Variants in FRS3 observed in about 807,000 individuals in gnomAD.
FRS3 encodes the protein fibroblast growth factor receptor substrate 3.
FRS3 carries 17 observed loss-of-function variants against 41.9 expected under a neutral mutation model. The ratio of observed to expected loss-of-function variants is 0.41; its 90% confidence interval spans 0.28 to 0.61. The LOEUF (loss-of-function observed/expected upper bound fraction) is 0.61, where lower values mean the gene tolerates loss of function less well. Among genes scored for constraint, FRS3 ranks in the 20% least tolerant of loss-of-function variants. The pLI is 0.36. For missense variants in FRS3, 619 were observed against 672.1 expected (o/e 0.92, Z 0.87); for synonymous variants, 287 against 274.5 (o/e 1.05, Z -0.45).
At chr6:41,776,854 T>A in intron 3 of FRS3, 68 bp downstream of exon 3, 3 of 1,263,782 alleles carry the variant, frequency 2.4e-6, no homozygotes, top group Non-Finnish European at 3.5e-6. Context: ...CTGAGGCAAC[T>A]CCATTAAATT....
rs892427733 is a variant in FRS3, at chr6:41,771,118, G to C, written c.980C>G (p.Pro327Arg). The C allele has an allele frequency of 6.3e-7, 1 of 1,580,434 alleles. No individual in the cohort carries two copies. Residue 327 changes from proline to arginine, a missense_variant, in exon 7 of 7, where the codon CCA becomes CGA. Physicochemically the swap from Pro to Arg is moderately radical, Grantham distance 103 (BLOSUM62 -2). Around this residue, in one of 3 missense-constraint regions of FRS3, gnomAD observed 487 missense variants for 478.3 expected, o/e 1.02. Transcript: ENST00000373018. The stretch of plus-strand genomic sequence containing the variant: ...TTGGCTTTCCCACACAGGGGGCAGT[G>C]GGGGCAGGTTCTCATAGTGCAGCAG... ...AALLHYENLP[P>R]LPPVWESQAQ...
intron 4 of FRS3, among the ~76,000 whole-genome samples, chr6:41,774,852 G>C (rs1457878454): frequency 1.3e-5 from 2 of 152,232 alleles, no homozygotes; most frequent in Non-Finnish European, 2.9e-5. Context: ...AAGTAGAAAA[G>C]ACTGGGAAAG....
Position 41,770,609 on chromosome 6 carries a change from C to G in FRS3, c.*10G>C. 1 of 1,613,704 alleles carries G rather than the reference C, an allele frequency of 6.2e-7. No individual in the cohort carries two copies. The highest frequency in any genetic ancestry group is 8.5e-7 in the Non-Finnish European group (1 of 1,179,656). On this transcript the variant is annotated 3_prime_UTR_variant, in exon 7 of 7. Coordinates refer to ENST00000373018, the MANE Select transcript of FRS3 (RefSeq NM_006653.5). ...TGGTGGGGCAGAGGGTGGTGAGGACCGGGAAGTCCCTACAGAGGCAGGTCG... is the reference window on the plus strand; with the variant it reads ...TGGTGGGGCAGAGGGTGGTGAGGACGGGGAAGTCCCTACAGAGGCAGGTCG...
In FRS3 at chr6:41,779,877, C is replaced by T. The variant is rs1296358336; in HGVS notation, c.-229G>A. 4 of 149,464 alleles carry T rather than the reference C, an allele frequency of 2.7e-5. 1 individual carries two copies. In the Middle Eastern group the frequency reaches 0.014, roughly 515 times the overall value. The allele number at this position is 149,464 out of a possible 1,614,324, so 9.3% of individuals were successfully genotyped here. A position where few individuals can be genotyped will look rare whatever the true frequency, so the allele number is the denominator to read the frequency against. ...CCGGGTCCCGCTGCAGCAGCCGCCG[C>T]CCGCCCGGAGCTAAGGCCTCCCCGC... On this transcript the variant is annotated 5_prime_UTR_variant, in exon 1 of 7. Transcript: ENST00000373018.
chr6:41,775,916 T>C (rs1451321436), intron 3 of FRS3, among the ~76,000 whole-genome samples: 1 of 152,220 alleles, frequency 6.6e-6, no homozygotes. Flanking sequence ...AGACAGCCCA[T>C]GCCTTAGTAT....
intron 4 of FRS3, 121 bp downstream of exon 4, chr6:41,775,298 C>T (rs1772385701): frequency 2.7e-6 from 2 of 728,356 alleles, no homozygotes; most frequent in Admixed American, 3.3e-5. Context: ...GAATACATCA[C>T]ACTCTACTGC....
chr6:41,771,384 G>A lies in FRS3; in HGVS notation c.714C>T (p.Gly238=), dbSNP rs1345021271. 6.2e-7 allele frequency: 1 copy of A among 1,613,590 alleles called. No homozygotes were observed. Among genetic ancestry groups the A allele is most frequent in the Non-Finnish European group, 8.5e-7 (1 of 1,179,900 alleles). ...QRDPQVFLQP[G]QVKFVLGPTP... Reference sequence around the variant, plus strand: ...TCGGGCCCAACACAAACTTCACCTGGCCTGGCTGCAAGAACACCTGTGGGT... The same window carrying A: ...TCGGGCCCAACACAAACTTCACCTGACCTGGCTGCAAGAACACCTGTGGGT... Residue 238 remains glycine (G), a synonymous_variant, in exon 7 of 7, where the codon GGC becomes GGT. Transcript: ENST00000373018.
intron 1 of FRS3, among the ~76,000 whole-genome samples, chr6:41,778,463 C>T (rs1352342741): frequency 6.6e-6 from 1 of 152,166 alleles, no homozygotes; most frequent in Non-Finnish European, 1.5e-5. Flanking sequence ...TTACAACAAA[C>T]ACCAAAACCA....
At position 41,771,402 on chromosome 6, in the gene FRS3, C is replaced by G. The variant is rs1287543894; in HGVS notation, c.696G>C (p.Gln232His). ...TCACCTGGCCTGGCTGCAAGAACAC[C>G]TGTGGGTCCCGTTGGTCAGGTCCCC... is the stretch of plus-strand genomic sequence containing the variant. ...QARGPDQRDP[Q>H]VFLQPGQVKF... is the part of the protein sequence containing the mutation. The change falls in exon 7 of 7, where the codon CAG becomes CAC. Residue 232 changes from glutamine to histidine, a missense_variant. Physicochemically the swap from Gln to His is conservative, Grantham distance 24. This residue lies in a region of FRS3 where 487 missense variants were observed against 478.3 expected (regional missense o/e 1.02). Coordinates refer to ENST00000373018, the MANE Select transcript of FRS3 (RefSeq NM_006653.5). 3 of 1,613,664 alleles carry G rather than the reference C, an allele frequency of 1.9e-6. No homozygotes were observed. The South Asian group carries it at 3.3e-5, about 18-fold the overall frequency.
rs1193459126 is a variant in FRS3, at chr6:41,770,993, G to A, written c.1105C>T (p.Pro369Ser). 1.3e-5 allele frequency: 21 copies of A among 1,613,112 alleles called. No individual in the cohort carries two copies. The highest frequency in any genetic ancestry group is 1.7e-5 in the Non-Finnish European group (20 of 1,179,904). ...CGGGTGCTGGTGGGCTTCTGCAGTG[G>A]GGTCTCGTCCTCCTCACCATCAGGG... ...GFPDGEEDET[P>S]LQKPTSTRAA... The change falls in exon 7 of 7, where the codon CCA (proline) becomes TCA (serine). Residue 369 changes from proline (P) to serine (S), a missense_variant. By Grantham distance (74) the Pro-to-Ser change is moderately conservative. Coordinates refer to ENST00000373018, the MANE Select transcript of FRS3 (RefSeq NM_006653.5).
At position 41,770,742 on chromosome 6, in the gene FRS3, T is replaced by C; in HGVS notation, c.1356A>G (p.Ser452=). 6.2e-7 allele frequency: 1 copy of C among 1,610,870 alleles called. No individual in the cohort carries two copies. Residue 452 remains serine (S), a synonymous_variant, in exon 7 of 7, where the codon TCA becomes TCG. Transcript: ENST00000373018. ...TGAGGTCAATCACGGCGTAGGAGTCTGAGCTTCGGGCAGGGTGGGTGGTGG... is the reference window on the plus strand; with the variant it reads ...TGAGGTCAATCACGGCGTAGGAGTCCGAGCTTCGGGCAGGGTGGGTGGTGG... The part of the protein sequence containing the change: ...PMPTTHPARS[S]DSYAVIDLKK...
chr6:41,775,883 G>C (rs534538313), intron 3 of FRS3, among the ~76,000 whole-genome samples: 18 of 152,338 alleles, frequency 1.2e-4, no homozygotes, highest in African/African-American at 4.3e-4. Flanking sequence ...CGGTTTGTTA[G>C]ATAACAAATG....
Position 41,773,506 on chromosome 6 carries a change from G to A in FRS3, c.254-547C>T, listed in dbSNP as rs191493149. Reference sequence around the variant, plus strand: ...CGCCCACACCACATTGAACACTCCAGCTATATTGCTCTGAAGCGAAATCAT... The same window carrying A: ...CGCCCACACCACATTGAACACTCCAACTATATTGCTCTGAAGCGAAATCAT... On this transcript the variant is annotated intron_variant, in intron 4 of 6. Transcript: ENST00000373018. 2.6e-5 allele frequency among the ~76,000 whole-genome samples: 4 copies of A among 152,308 alleles called. No individual in the cohort carries two copies. In the East Asian group the frequency reaches 7.7e-4, roughly 29 times the overall value.
Position 41,770,717 on chromosome 6 carries a change from T to C in FRS3, c.1381A>G (p.Lys461Glu), listed in dbSNP as rs887006788. ...AGGTTGGACATGGCCACGGTCTTTT[T>C]GAGGTCAATCACGGCGTAGGAGTCT... ...SSDSYAVIDL[K>E]KTVAMSNLQR... The change falls in exon 7 of 7, where the codon AAA (lysine) becomes GAA (glutamate). Residue 461 changes from lysine to glutamate, a missense_variant. Around this residue, in one of 3 missense-constraint regions of FRS3, gnomAD observed 32 missense variants for 55.6 expected, o/e 0.58. Coordinates refer to ENST00000373018, the MANE Select transcript of FRS3 (RefSeq NM_006653.5). 4 of 1,612,288 alleles carry C rather than the reference T, an allele frequency of 2.5e-6. No individual in the cohort carries two copies. The highest frequency in any genetic ancestry group is 3.4e-6 in the Non-Finnish European group (4 of 1,179,810).
rs955369237 is a variant in FRS3, at chr6:41,776,256, A to AATTT, written c.67-655_67-652dup. Among the ~76,000 whole-genome samples, 25 of 152,128 alleles carry AATTT rather than the reference A, an allele frequency of 1.6e-4. No individual in the cohort carries two copies. In the East Asian group the frequency reaches 3.9e-3, roughly 24 times the overall value. ...GCTTACTGTGTGCTAAGCACTATTTAATTTATTTATTTATTTATTTTTTGA... is the reference window on the plus strand; with the variant it reads ...GCTTACTGTGTGCTAAGCACTATTTAATTTATTTATTTATTTATTTATTTTTTGA... On this transcript the variant is annotated intron_variant, in intron 3 of 6. Coordinates refer to ENST00000373018, the MANE Select transcript of FRS3 (RefSeq NM_006653.5).
chr6:41,776,801 A>G, intron 3 of FRS3, 121 bp downstream of exon 3: 1 of 845,278 alleles, frequency 1.2e-6, no homozygotes. Flanking sequence ...AGTCTCCATA[A>G]GCCCACAACC....
At chr6:41,771,707 C>A in intron 6 of FRS3, 109 bp downstream of exon 6, 4 of 1,295,670 alleles carry the variant, frequency 3.1e-6, no homozygotes, top group Non-Finnish European at 4.2e-6. Flanking sequence ...GGGACCGTTA[C>A]AATGTTCTTC....
intron 3 of FRS3, chr6:41,776,669 G>A (rs1377960682): frequency 9.0e-6 from 4 of 444,754 alleles, no homozygotes; most frequent in Non-Finnish European, 1.6e-5. Context: ...AAAATACACT[G>A]ACAACAGTTC....
rs780744813 is a variant in FRS3 at position 41,770,733 on chromosome 6, G to A, written c.1365C>T (p.Tyr455=). The part of the protein sequence containing the change: ...TTHPARSSDS[Y]AVIDLKKTVA... ...CGGTCTTTTTGAGGTCAATCACGGC[G>A]TAGGAGTCTGAGCTTCGGGCAGGGT... The change falls in exon 7 of 7, where the codon TAC becomes TAT. Residue 455 remains tyrosine (Y), a synonymous_variant. Coordinates refer to ENST00000373018, the MANE Select transcript of FRS3 (RefSeq NM_006653.5). 1.9e-5 allele frequency: 30 copies of A among 1,613,478 alleles called. No homozygotes were observed. The highest frequency in any genetic ancestry group is 8.3e-5 in the Admixed American group (5 of 59,998).
Sources: gnomAD v4.1 joint callset for allele counts (sites outside exome capture counted in the v4.1 genomes callset) on GRCh38, gnomAD v4.1.1 for gene constraint, gnomAD v4.1.1 regional missense constraint, MANE v1.5 for transcripts, NCBI Gene and HGNC (gene_info 2026-07-23, HGNC 2026-07-21) for gene names.